ADAM12: variants seen among roughly 807,000 people sequenced by gnomAD.
ADAM12 encodes the protein ADAM metallopeptidase domain 12.
Under a neutral mutation model 106.4 loss-of-function variants are expected in ADAM12, and 70 were observed. The ratio of observed to expected loss-of-function variants is 0.66; its 90% CI spans 0.54 to 0.80. The LOEUF (loss-of-function observed/expected upper bound fraction) is 0.80. Among genes scored for constraint, ADAM12 ranks in the 30% least tolerant of loss-of-function variants. ADAM12 has a pLI of 0.00. For synonymous variants in ADAM12, 420 were observed against 433.5 expected, an observed-to-expected ratio of 0.97 and a Z score of 0.39; for missense variants, 1,010 against 1,171.9, an observed-to-expected ratio of 0.86 and a Z score of 2.02.
chr10:126,140,835 T>G (rs1352280665), intron 4 of ADAM12, among the ~76,000 whole-genome samples: 1 of 152,190 alleles, frequency 6.6e-6, no homozygotes, highest in Non-Finnish European at 1.5e-5. Context: ...ATCACGTGGT[T>G]GGTTGGGAAA....
chr10:126,313,422 C>T (rs1961203869), intron 2 of ADAM12, among the ~76,000 whole-genome samples: 1 of 152,220 alleles, frequency 6.6e-6, no homozygotes, highest in Admixed American at 6.5e-5. Flanking sequence ...AGCTGGCTAT[C>T]ACAAAGCCCT....
chr10:126,246,437 A>G (rs1176679520), intron 3 of ADAM12, among the ~76,000 whole-genome samples: 1 of 152,232 alleles, frequency 6.6e-6, no homozygotes, highest in Non-Finnish European at 1.5e-5. Context: ...ACAAAAAAAG[A>G]AAACTTCAGG....
intron 2 of ADAM12, among the ~76,000 whole-genome samples, chr10:126,301,189 A>T (rs1489052459): frequency 6.6e-6 from 1 of 152,322 alleles, no homozygotes; most frequent in East Asian, 1.9e-4. Context: ...AAATGTTAAC[A>T]GTGTCATCGC....
chr10:126,108,968 C>G (rs1955822855), intron 7 of ADAM12, among the ~76,000 whole-genome samples: 1 of 152,162 alleles, frequency 6.6e-6, no homozygotes, highest in Non-Finnish European at 1.5e-5. Flanking sequence ...GAAGTCAGTC[C>G]AAAGCCATTT....
At chr10:126,349,157 G>A (rs1033966526) in intron 1 of ADAM12, among the ~76,000 whole-genome samples, 1 of 152,170 alleles carries the variant, frequency 6.6e-6, no homozygotes, top group Admixed American at 6.5e-5. Context: ...ACATATTTGA[G>A]GGGGAAAAGG....
intron 3 of ADAM12, among the ~76,000 whole-genome samples, chr10:126,237,276 A>C (rs532286528): frequency 1.3e-5 from 2 of 152,270 alleles, no homozygotes; most frequent in East Asian, 3.9e-4. Context: ...TTGGCCTGGC[A>C]ACTTAAAATT....
At position 126,121,122 on chromosome 10, in the gene ADAM12, G is replaced by GTA. The variant is rs1565073944; in HGVS notation, c.417-2900_417-2899dup. Among the ~76,000 whole-genome samples the GTA allele has an allele frequency of 5.4e-4, 16 of 29,602 alleles. 1 individual carries two copies. In the East Asian group the frequency reaches 7.7e-3, roughly 14 times the overall value. The allele number at this position is 29,602 out of a possible 152,430, so 19.4% of individuals were successfully genotyped here. ...CTATATTATATATAGTATATATATA[G>GTA]TATATATACTATATACTATATATAC... On this transcript the variant is annotated intron_variant, in intron 5 of 22. Transcript: ENST00000448723.
chr10:126,304,857 T>G (rs768588131), intron 2 of ADAM12, among the ~76,000 whole-genome samples: 9 of 151,870 alleles, frequency 5.9e-5, no homozygotes, highest in Non-Finnish European at 1.0e-4. Flanking sequence ...TCATGAAATA[T>G]CAGGGAAATG....
chr10:126,380,969 C>CAT (rs1243131532), intron 1 of ADAM12, among the ~76,000 whole-genome samples: 1 of 151,546 alleles, frequency 6.6e-6, no homozygotes, highest in Non-Finnish European at 1.5e-5. Context: ...TTCTGCAACT[C>CAT]TGATGAGTTC....
At chr10:126,267,241 C>T (rs1959114550) in intron 3 of ADAM12, among the ~76,000 whole-genome samples, 1 of 152,158 alleles carries the variant, frequency 6.6e-6, no homozygotes, top group East Asian at 1.9e-4. Context: ...TCACCTCAAT[C>T]AGTGGTCCCC....
At chr10:126,194,413 A>T (rs1349688907) in intron 3 of ADAM12, among the ~76,000 whole-genome samples, 2 of 152,126 alleles carry the variant, frequency 1.3e-5, no homozygotes, top group South Asian at 4.1e-4. Flanking sequence ...CTCACCATTT[A>T]TCGGGAAGCA....
intron 3 of ADAM12, among the ~76,000 whole-genome samples, chr10:126,249,414 ACCAGGCGGGGCG>A (rs1376658999): frequency 6.6e-6 from 1 of 152,090 alleles, no homozygotes; most frequent in Admixed American, 6.5e-5. Context: ...GAAAACCAAC[ACCAGGCGGGGCG>A]CCATGGCTCA....
chr10:126,203,645 C>A (rs1395610528), intron 3 of ADAM12, among the ~76,000 whole-genome samples: 1 of 152,136 alleles, frequency 6.6e-6, no homozygotes, highest in Non-Finnish European at 1.5e-5. Flanking sequence ...ACAAACATAC[C>A]CTAAATACCC....
intron 3 of ADAM12, among the ~76,000 whole-genome samples, chr10:126,214,314 T>C (rs1228471508): frequency 6.6e-6 from 1 of 152,182 alleles, no homozygotes; most frequent in Non-Finnish European, 1.5e-5. Context: ...TCCCTCTGTT[T>C]CTCTATCTGT....
intron 3 of ADAM12, among the ~76,000 whole-genome samples, chr10:126,213,084 C>G (rs1349068810): frequency 6.6e-6 from 1 of 152,100 alleles, no homozygotes; most frequent in African/African-American, 2.4e-5. Flanking sequence ...AATTTCTTTC[C>G]TGTCGTATCC....
chr10:126,146,842 A>G (rs1050435036), intron 4 of ADAM12, among the ~76,000 whole-genome samples: 2 of 152,164 alleles, frequency 1.3e-5, no homozygotes, highest in African/African-American at 2.4e-5. Flanking sequence ...CGCACCTGCA[A>G]CACTGCTTAC....
intron 3 of ADAM12, among the ~76,000 whole-genome samples, chr10:126,249,563 T>G (rs1958703766): frequency 6.6e-6 from 1 of 152,068 alleles, no homozygotes; most frequent in Non-Finnish European, 1.5e-5. Context: ...CCGCGTGTGG[T>G]GGCGGGCGCC....
intron 14 of ADAM12, among the ~76,000 whole-genome samples, chr10:126,051,564 T>C (rs142359600): frequency 1.8e-5 from 2 of 112,072 alleles, no homozygotes; most frequent in Non-Finnish European, 3.3e-5. Flanking sequence ...CATCCATCCA[T>C]CCATCCATCC....
Position 126,049,319 on chromosome 10 carries a change from C to T in ADAM12, c.1851G>A (p.Val617=). The T allele has an allele frequency of 6.2e-7, 1 of 1,614,228 alleles. No individual in the cohort carries two copies. Among genetic ancestry groups the T allele is most frequent in the South Asian group, 1.1e-5 (1 of 91,088 alleles). Residue 617 remains valine (V), a synonymous_variant, in exon 16 of 23, where the codon GTG becomes GTA. Coordinates refer to ENST00000448723, the MANE Select transcript of ADAM12 (RefSeq NM_001288973.2). This position sits in a 1 kb window ranked among gnomAD's most constrained non-coding sequence, Gnocchi z 4.4. ...GGRILCRGTH[V]YLGDDMPDPG... ...GGTCCGGCATGTCATCGCCCAAGTA[C>T]ACGTGGGTCCCCCGGCACAGAATCC... is the stretch of plus-strand genomic sequence containing the variant.
Sources: allele counts gnomAD v4.1 joint callset (sites outside exome capture counted in the v4.1 genomes callset), GRCh38; gene constraint gnomAD v4.1.1; non-coding constraint Gnocchi (gnomAD v3.1); transcripts MANE v1.5; gene names NCBI Gene and HGNC (gene_info 2026-07-23, HGNC 2026-07-21).